Variants in PTPRD observed in about 807,000 individuals in gnomAD.
PTPRD encodes protein tyrosine phosphatase receptor type D.
In PTPRD, 34 loss-of-function variants were observed where a neutral mutation model predicts 214.5. The ratio of observed to expected loss-of-function variants is 0.16; its 90% confidence interval spans 0.12 to 0.21. The LOEUF (loss-of-function observed/expected upper bound fraction) is 0.21, where lower values mean the gene tolerates loss of function less well. Among genes scored for constraint, PTPRD ranks in the 10% least tolerant of loss-of-function variants. PTPRD has a pLI of 1.00. For synonymous variants in PTPRD, 1,128 were observed against 845.7 expected, an observed-to-expected ratio of 1.33 and a Z score of -5.79; for missense variants, 2,545 against 2,398.7, an observed-to-expected ratio of 1.06 and a Z score of -1.27.
rs544048191 is a variant in PTPRD, at chr9:9,290,404, G to A, written c.-202-107041C>T. On this transcript the variant is annotated intron_variant, in intron 9 of 45. Coordinates refer to ENST00000381196, the MANE Select transcript of PTPRD (RefSeq NM_002839.4). ...GCAAATATTTTCTCCCATTTTGTAT[G>A]TTGCCTTTTTATGTTGTTAATGTTT... Among the ~76,000 whole-genome samples, 7 of 151,630 alleles carry A rather than the reference G, an allele frequency of 4.6e-5. No homozygotes were observed. In the East Asian group the frequency reaches 1.2e-3, roughly 25 times the overall value.
chr9:9,255,843 C>A (rs1206561686), intron 9 of PTPRD, among the ~76,000 whole-genome samples: 1 of 151,924 alleles, frequency 6.6e-6, no homozygotes, highest in Non-Finnish European at 1.5e-5. Context: ...TAATTCGTAC[C>A]TAGAACAATT....
chr9:9,673,399 CT>C (rs1394244202), intron 7 of PTPRD, among the ~76,000 whole-genome samples: 5 of 151,658 alleles, frequency 3.3e-5, no homozygotes, highest in African/African-American at 1.2e-4. Flanking sequence ...TTAGATAGAA[CT>C]CTGGAAAAAA....
intron 8 of PTPRD, among the ~76,000 whole-genome samples, chr9:9,489,840 T>G (rs1001436834): frequency 6.6e-6 from 1 of 152,020 alleles, no homozygotes; most frequent in Admixed American, 6.6e-5. Context: ...AAAAAATATT[T>G]AATGAAATAG....
At chr9:9,228,330 A>C (rs1455110471) in intron 9 of PTPRD, among the ~76,000 whole-genome samples, 2 of 152,106 alleles carry the variant, frequency 1.3e-5, no homozygotes, top group African/African-American at 2.4e-5. Flanking sequence ...ATGTTGAAAA[A>C]ATTTAAACTC....
chr9:10,032,738 C>T (rs899440443), intron 4 of PTPRD, among the ~76,000 whole-genome samples: 7 of 152,058 alleles, frequency 4.6e-5, no homozygotes, highest in Non-Finnish European at 8.8e-5. Context: ...CAGGAGAAGG[C>T]GAGGATTTTT....
At chr9:10,538,736 A>T (rs539854606) in intron 2 of PTPRD, among the ~76,000 whole-genome samples, 1 of 152,128 alleles carries the variant, frequency 6.6e-6, no homozygotes, top group Admixed American at 6.6e-5. Context: ...CATATAAAGG[A>T]CTTGAGACAT....
intron 12 of PTPRD, among the ~76,000 whole-genome samples, chr9:8,658,553 TTCC>T (rs2096960700): frequency 6.6e-6 from 1 of 152,116 alleles, no homozygotes; most frequent in Non-Finnish European, 1.5e-5. Context: ...ATTTCAGTAT[TTCC>T]TCCAAGAGGA....
chr9:10,578,182 T>A (rs2070241041), intron 2 of PTPRD, among the ~76,000 whole-genome samples: 1 of 152,076 alleles, frequency 6.6e-6, no homozygotes, highest in Non-Finnish European at 1.5e-5. Flanking sequence ...AGTGCTGAGA[T>A]TACAGGCATG....
chr9:9,045,655 T>G (rs111987728), intron 10 of PTPRD, among the ~76,000 whole-genome samples: 1,585 of 152,254 alleles, frequency 0.01, 25 homozygotes, highest in Middle Eastern at 0.054. Context: ...TCTGCCTGAC[T>G]AAGCTTATAA....
In PTPRD at chr9:8,722,312, G is replaced by A. The variant is rs72702304; in HGVS notation, c.64+11468C>T. ...CCTATTCTCAATTATCCTCCCAGGA[G>A]AATTGAGAAAATTGCTCCTGGTAGG... On this transcript the variant is annotated intron_variant, in intron 12 of 45. Coordinates refer to ENST00000381196, the MANE Select transcript of PTPRD (RefSeq NM_002839.4). Among the ~76,000 whole-genome samples, 1,037 of 152,180 alleles carry A rather than the reference G, an allele frequency of 6.8e-3. 8 individuals are homozygous for A. The highest frequency in any genetic ancestry group is 0.016 in the African/African-American group (651 of 41,516).
chr9:9,087,498 T>C (rs2099768857), intron 10 of PTPRD, among the ~76,000 whole-genome samples: 1 of 152,084 alleles, frequency 6.6e-6, no homozygotes, highest in South Asian at 2.1e-4. Flanking sequence ...GTAGGTGGCA[T>C]TTCAAGGAGG....
chr9:9,850,375 G>A (rs776449778), intron 5 of PTPRD, among the ~76,000 whole-genome samples: 33 of 152,172 alleles, frequency 2.2e-4, no homozygotes, highest in Non-Finnish European at 4.4e-4. Flanking sequence ...ATTATTAGTA[G>A]TATTGCTATT....
chr9:10,473,924 A>T lies in PTPRD; in HGVS notation c.-599-132907T>A, dbSNP rs150635725. 3.7e-3 allele frequency among the ~76,000 whole-genome samples: 569 copies of T among 151,864 alleles called. 5 individuals carry two copies. The highest frequency in any genetic ancestry group is 0.013 in the African/African-American group (540 of 41,480). ...TTTATATTAGATTCCCCTTGAAAGG[A>T]AAGTTTCAGAAATGGGATTTTGTCA... On this transcript the variant is annotated intron_variant, in intron 2 of 45. Transcript: ENST00000381196.
At chr9:8,826,674 G>A (rs2154528419) in intron 11 of PTPRD, among the ~76,000 whole-genome samples, 1 of 142,574 alleles carries the variant, frequency 7.0e-6, no homozygotes, top group East Asian at 2.0e-4. Context: ...ATTTGCAATT[G>A]TGTATTCATC....
chr9:10,278,509 T>G (rs1349346226), intron 3 of PTPRD, among the ~76,000 whole-genome samples: 2 of 152,160 alleles, frequency 1.3e-5, no homozygotes, highest in Admixed American at 1.3e-4. Context: ...AATAAGATTC[T>G]AAGTAAGATT....
At position 9,000,830 on chromosome 9, in the gene PTPRD, A is replaced by T. The variant is rs144880964; in HGVS notation, c.-104+17867T>A. On this transcript the variant is annotated intron_variant, in intron 11 of 45. Transcript: ENST00000381196. ...CTGAAGAGACCCTCTATAACAATAA[A>T]GGTGATGGATTCACAAAAAACAAAC... 1.3e-3 allele frequency among the ~76,000 whole-genome samples: 193 copies of T among 152,108 alleles called. 2 individuals carry two copies. Among genetic ancestry groups the T allele is most frequent in the African/African-American group, 4.4e-3 (181 of 41,522 alleles).
chr9:9,472,571 G>A (rs921322578), intron 8 of PTPRD, among the ~76,000 whole-genome samples: 1 of 152,046 alleles, frequency 6.6e-6, no homozygotes, highest in African/African-American at 2.4e-5. Flanking sequence ...TGTTCAGTTT[G>A]CAGCCAACCT....
At chr9:9,604,385 T>A (rs1208507409) in intron 7 of PTPRD, among the ~76,000 whole-genome samples, 1 of 152,088 alleles carries the variant, frequency 6.6e-6, no homozygotes, top group Non-Finnish European at 1.5e-5. Context: ...AGGGAAATAT[T>A]TGGCCTTTGT....
chr9:9,539,266 G>A (rs573634603), intron 8 of PTPRD, among the ~76,000 whole-genome samples: 1 of 151,924 alleles, frequency 6.6e-6, no homozygotes, highest in African/African-American at 2.4e-5. Flanking sequence ...AGGCCCTTAA[G>A]TGGGAATAAA....
Sources: gnomAD v4.1 joint callset for allele counts (sites outside exome capture counted in the v4.1 genomes callset) on GRCh38, gnomAD v4.1.1 for gene constraint, MANE v1.5 for transcripts, NCBI Gene and HGNC (gene_info 2026-07-23, HGNC 2026-07-21) for gene names.